Variants in VPS13A observed in about 807,000 individuals in gnomAD.
The protein encoded by VPS13A is vacuolar protein sorting 13 homolog A, also known as intermembrane lipid transfer protein VPS13A.
Under a neutral mutation model 390.9 loss-of-function variants are expected in VPS13A, and 264 were observed. The ratio of observed to expected loss-of-function variants is 0.68; its 90% CI spans 0.61 to 0.75. VPS13A has a LOEUF of 0.75. Ranked by LOEUF, VPS13A falls within the 30% of genes least tolerant of loss-of-function variation. The pLI, the probability that VPS13A is intolerant of heterozygous loss-of-function variation, is 0.00. For synonymous variants in VPS13A, 1,231 were observed against 1,227.1 expected (o/e 1.00, Z -0.07); for missense variants, 3,409 against 3,733.9 (o/e 0.91, Z 2.27).
intron 71 of VPS13A, among the ~76,000 whole-genome samples, chr9:77,409,652 G>A (rs992777498): frequency 6.6e-6 from 1 of 151,374 alleles, no homozygotes; most frequent in Non-Finnish European, 1.5e-5. Context: ...AGTGACGAAT[G>A]CACAAGCCTC....
At chr9:77,243,134 T>C (rs1343902854) in intron 19 of VPS13A, among the ~76,000 whole-genome samples, 1 of 152,156 alleles carries the variant, frequency 6.6e-6, no homozygotes, top group East Asian at 1.9e-4. Context: ...CCTTTCTTCC[T>C]TTTATTTTGT....
rs1826056757 is a variant in VPS13A, at chr9:77,213,037, A to G, written c.615+9A>G. The G allele has an allele frequency of 1.9e-6, 3 of 1,613,738 alleles. No homozygotes were observed. The highest frequency in any genetic ancestry group is 1.3e-5 in the African/African-American group (1 of 74,934). On this transcript the variant is annotated intron_variant, in intron 8 of 71. Transcript: ENST00000360280. Reference sequence around the variant, plus strand: ...AGAAACTGGTTCGTAAGGTAAATAAATACTGTGTTTGTCAACTCATGGACT... The same window carrying G: ...AGAAACTGGTTCGTAAGGTAAATAAGTACTGTGTTTGTCAACTCATGGACT...
intron 45 of VPS13A, among the ~76,000 whole-genome samples, chr9:77,331,107 CTAT>C (rs751271301): frequency 6.6e-6 from 1 of 150,412 alleles, no homozygotes; most frequent in African/African-American, 2.5e-5. Flanking sequence ...TCTTATTTTT[CTAT>C]TATTGAGATT....
intron 54 of VPS13A, among the ~76,000 whole-genome samples, chr9:77,355,972 C>G (rs934336046): frequency 6.6e-6 from 1 of 152,170 alleles, no homozygotes; most frequent in Non-Finnish European, 1.5e-5. Context: ...CACTTCAACA[C>G]AGAGTGTATT....
intron 28 of VPS13A, 87 bp from the exon 29 acceptor site, chr9:77,282,034 C>T (rs1587487125): frequency 7.0e-7 from 1 of 1,419,024 alleles, no homozygotes; most frequent in East Asian, 2.3e-5. Context: ...TAAATTATAT[C>T]CTTTATGCCA....
intron 1 of VPS13A, among the ~76,000 whole-genome samples, chr9:77,195,488 G>T (rs1167715480): frequency 6.6e-6 from 1 of 152,118 alleles, no homozygotes; most frequent in Non-Finnish European, 1.5e-5. Flanking sequence ...TGTAATCCCA[G>T]CGTTCTGGGA....
At chr9:77,287,217 C>T (rs1827382989) in intron 31 of VPS13A, among the ~76,000 whole-genome samples, 1 of 144,638 alleles carries the variant, frequency 6.9e-6, no homozygotes, top group Admixed American at 7.0e-5. Flanking sequence ...TTTATATATA[C>T]ATAAAATTCT....
rs79124686 is a variant in VPS13A at position 77,273,565 on chromosome 9, G to A, written c.2512+201G>A. On this transcript the variant is annotated intron_variant, in intron 24 of 71. Transcript: ENST00000360280. The stretch of plus-strand genomic sequence containing the variant: ...GATTTACTAGCATTCATATTTCATG[G>A]GTACATGCAAGAAGCTCAGGAATGA... Among the ~76,000 whole-genome samples, 2,389 of 152,150 alleles carry A rather than the reference G, an allele frequency of 0.016. 41 individuals are homozygous for A. Among genetic ancestry groups the A allele is most frequent in the African/African-American group, 0.041 (1,721 of 41,502 alleles).
chr9:77,354,456 A>ATTATATG (rs1831646243), intron 54 of VPS13A, among the ~76,000 whole-genome samples: 1 of 152,154 alleles, frequency 6.6e-6, no homozygotes, highest in Admixed American at 6.6e-5. Context: ...CTTTAGACCT[A>ATTATATG]TTATATGTTA....
At chr9:77,205,931 T>G (rs950621619) in intron 4 of VPS13A, 47 bp from the exon 5 acceptor site, 5 of 1,371,602 alleles carry the variant, frequency 3.6e-6, no homozygotes, top group Non-Finnish European at 5.0e-6. Flanking sequence ...AATGACTATA[T>G]TTAAATTTAA....
chr9:77,353,361 A>G, intron 53 of VPS13A, 48 bp from the exon 54 acceptor site: 8 of 1,449,048 alleles, frequency 5.5e-6, no homozygotes, highest in Non-Finnish European at 6.7e-6. Flanking sequence ...CTTTGGGACC[A>G]AATTCTAATT....
intron 29 of VPS13A, 22 bp from the exon 30 acceptor site, chr9:77,283,333 T>C: frequency 1.4e-6 from 2 of 1,383,826 alleles, no homozygotes; most frequent in Non-Finnish European, 2.0e-6. Flanking sequence ...TCATGTTTTA[T>C]AATATGAATT....
chr9:77,280,775 G>T (rs1306270431), intron 27 of VPS13A, among the ~76,000 whole-genome samples: 1 of 152,072 alleles, frequency 6.6e-6, no homozygotes, highest in Non-Finnish European at 1.5e-5. Context: ...TAAGAATAAT[G>T]CAGAAAGCAT....
At chr9:77,399,613 T>C (rs1244129623) in intron 68 of VPS13A, among the ~76,000 whole-genome samples, 2 of 152,212 alleles carry the variant, frequency 1.3e-5, no homozygotes, top group Non-Finnish European at 2.9e-5. Flanking sequence ...ATTTGTATTC[T>C]TCATTTTTAA....
chr9:77,342,296 A>T (rs1830875851), intron 50 of VPS13A, among the ~76,000 whole-genome samples: 1 of 152,204 alleles, frequency 6.6e-6, no homozygotes, highest in Non-Finnish European at 1.5e-5. Context: ...AATGCTCCAA[A>T]ATTCGAAATA....
intron 22 of VPS13A, among the ~76,000 whole-genome samples, chr9:77,257,481 A>G (rs1269088959): frequency 1.3e-5 from 2 of 152,130 alleles, no homozygotes; most frequent in African/African-American, 4.8e-5. Flanking sequence ...GGCAGGTTGC[A>G]TAGTCTTATA....
chr9:77,374,533 C>A (rs1033542044), intron 67 of VPS13A, among the ~76,000 whole-genome samples: 2 of 152,082 alleles, frequency 1.3e-5, no homozygotes, highest in Non-Finnish European at 2.9e-5. Flanking sequence ...TCATACTACT[C>A]AGAATGGCAT....
chr9:77,409,639 C>CT (rs1350531125), intron 71 of VPS13A, among the ~76,000 whole-genome samples: 2 of 151,330 alleles, frequency 1.3e-5, no homozygotes, highest in Non-Finnish European at 2.9e-5. Flanking sequence ...GGCACGAGAA[C>CT]TAAGTGACGA....
In VPS13A at chr9:77,369,409, C is replaced by T; in HGVS notation, c.8664C>T (p.Tyr2888=). ...EGVEAFFYEP[Y]QGAIQGPEEF... ...TAGAAGCATTTTTTTATGAACCTTA[C>T]CAGGTAAAATAGTTATTTTTGTGGT... Residue 2888 remains tyrosine, a synonymous_variant, in exon 63 of 72, where the codon TAC becomes TAT. Transcript: ENST00000360280. 1.3e-6 allele frequency: 2 copies of T among 1,577,524 alleles called. No individual in the cohort carries two copies. Among genetic ancestry groups the T allele is most frequent in the South Asian group, 1.1e-5 (1 of 90,266 alleles).
Sources: allele counts gnomAD v4.1 joint callset (sites outside exome capture counted in the v4.1 genomes callset), GRCh38; gene constraint gnomAD v4.1.1; transcripts MANE v1.5; gene names NCBI Gene and HGNC (gene_info 2026-07-23, HGNC 2026-07-21).